Variants in PDGFC observed in about 807,000 individuals in gnomAD.
PDGFC encodes platelet-derived growth factor C.
PDGFC carries 12 observed loss-of-function variants against 35.5 expected under a neutral mutation model. The observed-to-expected ratio is 0.34, with a 90% CI of 0.22 to 0.55. PDGFC has a LOEUF of 0.55. PDGFC is among the 20% of genes least tolerant of loss of function. PDGFC has a pLI of 0.91. For synonymous variants in PDGFC, 159 were observed against 148.8 expected, an observed-to-expected ratio of 1.07 and a Z score of -0.50; for missense variants, 322 against 412.4, an observed-to-expected ratio of 0.78 and a Z score of 1.90.
chr4:156,903,763 TA>T (rs1446946753), intron 1 of PDGFC, among the ~76,000 whole-genome samples: 1 of 152,148 alleles, frequency 6.6e-6, no homozygotes, highest in African/African-American at 2.4e-5. Flanking sequence ...TCCATTTCTG[TA>T]AAACGAGTAA....
intron 1 of PDGFC, among the ~76,000 whole-genome samples, chr4:156,940,941 T>C (rs935145949): frequency 2.0e-5 from 3 of 152,186 alleles, no homozygotes; most frequent in African/African-American, 7.2e-5. Flanking sequence ...TGTTTATCCT[T>C]GCCATTTCTA....
intron 3 of PDGFC, among the ~76,000 whole-genome samples, chr4:156,782,391 A>C (rs543720666): frequency 6.6e-6 from 1 of 152,310 alleles, no homozygotes; most frequent in East Asian, 1.9e-4. Flanking sequence ...CTGGTATCTT[A>C]ATTACAGTGT....
intron 4 of PDGFC, among the ~76,000 whole-genome samples, chr4:156,770,928 G>C (rs1273848583): frequency 6.6e-6 from 1 of 152,092 alleles, no homozygotes; most frequent in Non-Finnish European, 1.5e-5. Flanking sequence ...CTAATTAGAA[G>C]CTTTTAAAAG....
At chr4:156,927,429 C>T (rs751042659) in intron 1 of PDGFC, among the ~76,000 whole-genome samples, 1 of 152,148 alleles carries the variant, frequency 6.6e-6, no homozygotes, top group African/African-American at 2.4e-5. Context: ...AACTTTAATG[C>T]TCTGTTTTCC....
At chr4:156,851,924 C>G (rs1729464113) in intron 1 of PDGFC, among the ~76,000 whole-genome samples, 1 of 71,126 alleles carries the variant, frequency 1.4e-5, no homozygotes, top group Admixed American at 1.5e-4. Flanking sequence ...GAATGAGACT[C>G]CATCTCAAAA....
At chr4:156,953,719 G>T (rs1053282000) in intron 1 of PDGFC, among the ~76,000 whole-genome samples, 1 of 151,876 alleles carries the variant, frequency 6.6e-6, no homozygotes, top group Non-Finnish European at 1.5e-5. Flanking sequence ...GACCAAAGTG[G>T]TGAAACCCAG....
At chr4:156,815,677 T>A (rs2110960049) in intron 2 of PDGFC, among the ~76,000 whole-genome samples, 1 of 152,152 alleles carries the variant, frequency 6.6e-6, no homozygotes, top group Non-Finnish European at 1.5e-5. Flanking sequence ...AAAAGTGAAA[T>A]CACAAAACAC....
At chr4:156,961,951 C>G (rs1732353763) in intron 1 of PDGFC, among the ~76,000 whole-genome samples, 1 of 152,108 alleles carries the variant, frequency 6.6e-6, no homozygotes, top group African/African-American at 2.4e-5. Context: ...CTAACCTGTT[C>G]ACAACTTCCA....
rs978989173 is a variant in PDGFC, at chr4:156,953,966, A to C, written c.118+16820T>G. ...TTCAAATATGAATATAAATTAAGAC[A>C]ATTCACTCTGCCTCATATAGAGAAA... On this transcript the variant is annotated intron_variant, in intron 1 of 5. Coordinates refer to ENST00000502773, the MANE Select transcript of PDGFC (RefSeq NM_016205.3). Among the ~76,000 whole-genome samples, 7 of 152,078 alleles carry C rather than the reference A, an allele frequency of 4.6e-5. No homozygotes were observed. The South Asian group carries it at 1.4e-3, about 31-fold the overall frequency.
At chr4:156,831,744 C>A (rs1179978732) in intron 2 of PDGFC, among the ~76,000 whole-genome samples, 2 of 151,778 alleles carry the variant, frequency 1.3e-5, no homozygotes, top group East Asian at 1.9e-4. Flanking sequence ...ACCCGGCCAA[C>A]CCTGTCTCTT....
At chr4:156,866,810 A>G (rs1406400850) in intron 1 of PDGFC, among the ~76,000 whole-genome samples, 2 of 151,514 alleles carry the variant, frequency 1.3e-5, no homozygotes, top group Non-Finnish European at 2.9e-5. Flanking sequence ...TCTTGACAAT[A>G]GTATTGTAAA....
intron 1 of PDGFC, among the ~76,000 whole-genome samples, chr4:156,938,989 C>T (rs1314561834): frequency 1.3e-5 from 2 of 152,034 alleles, no homozygotes; most frequent in African/African-American, 2.4e-5. Flanking sequence ...ATCATAATTC[C>T]TATTAACAAG....
chr4:156,825,386 CAA>C (rs34775471), intron 2 of PDGFC, among the ~76,000 whole-genome samples: 3,223 of 128,460 alleles, frequency 0.025, 136 homozygotes, highest in South Asian at 0.18. Flanking sequence ...CCGTTTCTAC[CAA>C]AAAAAAAAAA....
intron 1 of PDGFC, among the ~76,000 whole-genome samples, chr4:156,910,455 G>C (rs967095787): frequency 7.9e-5 from 12 of 152,020 alleles, no homozygotes; most frequent in Non-Finnish European, 1.5e-4. Context: ...AGCCATTTAG[G>C]CTGTTTTCTA....
In PDGFC at chr4:156,873,531, T is replaced by C. The variant is rs1730036165; in HGVS notation, c.119-23115A>G. Among the ~76,000 whole-genome samples, 4 of 152,232 alleles carry C rather than the reference T, an allele frequency of 2.6e-5. No homozygotes were observed. In the South Asian group the frequency reaches 6.2e-4, roughly 24 times the overall value. ...TTCAGTATACATAAATCGCATTTTG[T>C]TTCCACAGACATTTCCTATAACTTC... On this transcript the variant is annotated intron_variant, in intron 1 of 5. Transcript: ENST00000502773.
intron 2 of PDGFC, among the ~76,000 whole-genome samples, chr4:156,827,718 C>T (rs75115423): frequency 0.059 from 9,021 of 152,148 alleles, 877 homozygotes; most frequent in African/African-American, 0.21. Context: ...GCAATACCCA[C>T]ATACGTACAT....
intron 1 of PDGFC, among the ~76,000 whole-genome samples, chr4:156,861,100 T>A (rs1387554162): frequency 6.6e-6 from 1 of 152,080 alleles, no homozygotes; most frequent in Non-Finnish European, 1.5e-5. Flanking sequence ...ATCTCTAACA[T>A]GTCAGAGAAT....
chr4:156,897,976 A>T (rs1018694616), intron 1 of PDGFC, among the ~76,000 whole-genome samples: 3 of 152,190 alleles, frequency 2.0e-5, no homozygotes, highest in African/African-American at 7.2e-5. Flanking sequence ...TTTGCATGTA[A>T]GAAGATGAAC....
At chr4:156,790,682 A>G (rs1731274713) in intron 3 of PDGFC, among the ~76,000 whole-genome samples, 2 of 152,220 alleles carry the variant, frequency 1.3e-5, no homozygotes, top group South Asian at 2.1e-4. Context: ...ATTAACCTCA[A>G]GATGTGAACT....
Sources: gnomAD v4.1 joint callset for allele counts (sites outside exome capture counted in the v4.1 genomes callset) on GRCh38, gnomAD v4.1.1 for gene constraint, MANE v1.5 for transcripts, NCBI Gene and HGNC (gene_info 2026-07-23, HGNC 2026-07-21) for gene names.